Variants in BTAF1 observed in about 807,000 individuals in gnomAD.
BTAF1 encodes TATA-binding protein-associated factor 172.
A neutral mutation model predicts 227.1 loss-of-function variants in BTAF1; 38 were observed. The ratio of observed to expected loss-of-function variants is 0.17; its 90% CI spans 0.13 to 0.22. BTAF1 has a LOEUF of 0.22. Ranked by LOEUF, BTAF1 falls within the 10% of genes least tolerant of loss-of-function variation. The pLI, the probability that BTAF1 is intolerant of heterozygous loss-of-function variation, is 1.00. For synonymous variants in BTAF1, 742 were observed against 751.9 expected (o/e 0.99, Z 0.21); for missense variants, 1,598 against 2,204.0 (o/e 0.73, Z 5.51).
chr10:92,020,619 G>A (rs987846697), intron 34 of BTAF1, among the ~76,000 whole-genome samples: 8 of 152,118 alleles, frequency 5.3e-5, no homozygotes, highest in Non-Finnish European at 1.0e-4. Context: ...ATCACTAAAC[G>A]TAAAATGGAC....
chr10:91,928,051 T>A (rs1843986969), intron 1 of BTAF1, among the ~76,000 whole-genome samples: 1 of 151,824 alleles, frequency 6.6e-6, no homozygotes, highest in African/African-American at 2.4e-5. Flanking sequence ...ATTTTCTAAT[T>A]TTAACAATCA....
intron 32 of BTAF1, among the ~76,000 whole-genome samples, chr10:92,015,784 A>G (rs768556563): frequency 6.6e-6 from 1 of 152,130 alleles, no homozygotes; most frequent in African/African-American, 2.4e-5. Flanking sequence ...TTAGCTCTCT[A>G]GATTTTCTTT....
At chr10:91,993,564 A>C (rs536860634) in intron 21 of BTAF1, 130 bp from the exon 22 acceptor site, 2 of 720,430 alleles carry the variant, frequency 2.8e-6, no homozygotes, top group African/African-American at 3.6e-5. Flanking sequence ...AACATGTCTA[A>C]TAATTGCTTA....
chr10:92,020,277 G>C (rs1311434385), intron 34 of BTAF1, among the ~76,000 whole-genome samples: 4 of 151,986 alleles, frequency 2.6e-5, no homozygotes, highest in African/African-American at 9.7e-5. Flanking sequence ...ACTTGGAACT[G>C]CATACTCTAT....
chr10:91,978,288 A>G (rs559072232), intron 14 of BTAF1, among the ~76,000 whole-genome samples: 36 of 152,286 alleles, frequency 2.4e-4, no homozygotes, highest in African/African-American at 8.2e-4. Flanking sequence ...ATATAGGGGG[A>G]AAATCTTCCT....
At chr10:91,974,089 C>T (rs1847513566) in intron 14 of BTAF1, among the ~76,000 whole-genome samples, 1 of 152,132 alleles carries the variant, frequency 6.6e-6, no homozygotes, top group Non-Finnish European at 1.5e-5. Flanking sequence ...AAAGGAAACT[C>T]ACCTGAATTA....
chr10:92,021,671 AGC>A (rs2134166259), intron 34 of BTAF1, among the ~76,000 whole-genome samples: 1 of 151,948 alleles, frequency 6.6e-6, no homozygotes, highest in African/African-American at 2.4e-5. Context: ...CCTCCCAAGT[AGC>A]TGGGACTGTA....
rs1256729454 is a variant in BTAF1 at position 92,021,635 on chromosome 10, G to C, written c.4863+2700G>C. 2.0e-5 allele frequency among the ~76,000 whole-genome samples: 3 copies of C among 151,770 alleles called. No individual in the cohort carries two copies. The East Asian group carries it at 5.8e-4, about 29-fold the overall frequency. On this transcript the variant is annotated intron_variant, in intron 34 of 37. Transcript: ENST00000265990. ...TGGCTCACTGCAAGCTCTGCCTCCT[G>C]GGTTCACGCCATTCTCTTGCCTCAG...
intron 25 of BTAF1, among the ~76,000 whole-genome samples, chr10:92,007,210 C>CTTTTTTTTTTTTTTTTTTTTT (rs969389265): frequency 1.6e-5 from 1 of 61,278 alleles, no homozygotes; most frequent in Non-Finnish European, 3.3e-5. Flanking sequence ...TATTTTTTGT[C>CTTTTTTTTTTTTTTTTTTTTT]TTTTTTTTTT....
chr10:91,940,198 G>T, intron 3 of BTAF1, 132 bp downstream of exon 3: 4 of 409,810 alleles, frequency 9.8e-6, no homozygotes, highest in Non-Finnish European at 1.3e-5. Context: ...GCTTTGTCAG[G>T]AAATGATACT....
chr10:91,926,600 T>A (rs1843849665), intron 1 of BTAF1, among the ~76,000 whole-genome samples: 1 of 152,212 alleles, frequency 6.6e-6, no homozygotes, highest in South Asian at 2.1e-4. Context: ...GCTTCCCTTT[T>A]GTCACTGTAA....
At chr10:91,995,657 CAG>C (rs896643646) in intron 23 of BTAF1, among the ~76,000 whole-genome samples, 13 of 147,866 alleles carry the variant, frequency 8.8e-5, no homozygotes, top group African/African-American at 3.0e-4. Flanking sequence ...GCCTAGGCGA[CAG>C]AGCGAGACTC....
Position 92,018,932 on chromosome 10 carries a change from A to G in BTAF1, c.4860A>G (p.Lys1620=). The change falls in exon 34 of 38, where the codon AAA becomes AAG. Residue 1620 remains lysine, a synonymous_variant. Transcript: ENST00000265990. ...ATGCCCCTAAGCTCTCAGCTTTGAA[A>G]CAAGTATGTATGTCTTTTAAGTGTT... ...IQHAPKLSAL[K]QLLLDCGLGN... The G allele has an allele frequency of 6.4e-7, 1 of 1,562,768 alleles. No individual in the cohort carries two copies.
chr10:91,990,361 C>G (rs1446557591), intron 20 of BTAF1, among the ~76,000 whole-genome samples: 1 of 151,904 alleles, frequency 6.6e-6, no homozygotes, highest in Non-Finnish European at 1.5e-5. Flanking sequence ...CCCCCCTGGT[C>G]CATTGCTATA....
At position 91,966,722 on chromosome 10, in the gene BTAF1, G is replaced by C; in HGVS notation, c.1615G>C (p.Glu539Gln). 1 of 1,613,974 alleles carries C rather than the reference G, an allele frequency of 6.2e-7. No homozygotes were observed. The highest frequency in any genetic ancestry group is 8.5e-7 in the Non-Finnish European group (1 of 1,179,926). ...TISSVRRAAL[E>Q]TLFTLLSTQD... The stretch of plus-strand genomic sequence containing the variant: ...ATCATCAGTTCGAAGAGCAGCATTG[G>C]AAACTCTGTTTACGTTATTATCAAC... The change falls in exon 14 of 38, where the codon GAA becomes CAA. Residue 539 changes from glutamate to glutamine, a missense_variant. By Grantham distance (29) the Glu-to-Gln change is conservative (BLOSUM62 2). Around this residue, in one of 10 missense-constraint regions of BTAF1, gnomAD observed 318 missense variants for 435.0 expected, o/e 0.73. Coordinates refer to ENST00000265990, the MANE Select transcript of BTAF1 (RefSeq NM_003972.3).
chr10:91,925,127 G>A (rs552248529), intron 1 of BTAF1, among the ~76,000 whole-genome samples: 41 of 152,338 alleles, frequency 2.7e-4, no homozygotes, highest in Middle Eastern at 6.8e-3. Flanking sequence ...GAAATAGTGT[G>A]TGGGAGAAGC....
intron 1 of BTAF1, among the ~76,000 whole-genome samples, chr10:91,930,290 T>TA (rs1477367459): frequency 6.6e-6 from 1 of 152,102 alleles, no homozygotes; most frequent in Non-Finnish European, 1.5e-5. Flanking sequence ...GGATGGAGGG[T>TA]AGAAAAAAAT....
At chr10:92,005,667 AG>A (rs1161094520) in intron 25 of BTAF1, among the ~76,000 whole-genome samples, 1 of 152,118 alleles carries the variant, frequency 6.6e-6, no homozygotes, top group Non-Finnish European at 1.5e-5. Context: ...GACACCAAAG[AG>A]CTGTTGTTTA....
At chr10:91,956,410 G>A (rs539358185) in intron 6 of BTAF1, 118 bp from the exon 7 acceptor site, 3 of 1,243,788 alleles carry the variant, frequency 2.4e-6, no homozygotes, top group African/African-American at 1.6e-5. Flanking sequence ...TAAAACATTT[G>A]TTTAAATGAT....
Sources: gnomAD v4.1 joint callset for allele counts (sites outside exome capture counted in the v4.1 genomes callset) on GRCh38, gnomAD v4.1.1 for gene constraint, gnomAD v4.1.1 regional missense constraint, MANE v1.5 for transcripts, NCBI Gene and HGNC (gene_info 2026-07-23, HGNC 2026-07-21) for gene names.